The following PRKCE variants were observed in gnomAD, a reference collection of about 807,000 sequenced individuals.
The protein encoded by PRKCE is protein kinase C epsilon type.
A neutral mutation model predicts 85.4 loss-of-function variants in PRKCE; 16 were observed. The observed-to-expected ratio is 0.19, with a 90% CI of 0.13 to 0.28. The LOEUF is 0.28. PRKCE is among the 10% of genes least tolerant of loss of function. PRKCE has a pLI of 1.00. For missense variants in PRKCE, 573 were observed against 975.2 expected, an observed-to-expected ratio of 0.59 and a Z score of 5.49; for synonymous variants, 388 against 371.5, an observed-to-expected ratio of 1.04 and a Z score of -0.51.
chr2:45,840,994 T>G (rs1691301125), intron 1 of PRKCE, among the ~76,000 whole-genome samples: 1 of 152,168 alleles, frequency 6.6e-6, no homozygotes, highest in Admixed American at 6.5e-5. Context: ...ACTCTGGAAG[T>G]TCTGAACACA....
intron 2 of PRKCE, among the ~76,000 whole-genome samples, chr2:45,853,497 T>C (rs927682572): frequency 6.6e-6 from 1 of 152,226 alleles, no homozygotes; most frequent in African/African-American, 2.4e-5. Flanking sequence ...CCTGGGGCTT[T>C]AATTAAAATA....
chr2:45,963,012 G>A (rs1024328434), intron 2 of PRKCE, among the ~76,000 whole-genome samples: 4 of 152,146 alleles, frequency 2.6e-5, no homozygotes, highest in African/African-American at 4.8e-5. Context: ...AGTTCCACAA[G>A]AGCTGTGGCC....
chr2:45,868,480 C>T (rs1042740308), intron 2 of PRKCE, among the ~76,000 whole-genome samples: 10 of 151,344 alleles, frequency 6.6e-5, no homozygotes, highest in Non-Finnish European at 1.2e-4. Flanking sequence ...CCTGCCACCA[C>T]GCCTGGCTAA....
chr2:45,808,729 A>C (rs1010605663), intron 1 of PRKCE, among the ~76,000 whole-genome samples: 1 of 152,152 alleles, frequency 6.6e-6, no homozygotes, highest in Admixed American at 6.5e-5. Context: ...AGAAGTATAT[A>C]ATCTTAGGAC....
At chr2:46,122,489 G>T (rs146035770) in intron 11 of PRKCE, among the ~76,000 whole-genome samples, 3,839 of 152,114 alleles carry the variant, frequency 0.025, 159 homozygotes, top group African/African-American at 0.086. Flanking sequence ...TGGCCTCCCA[G>T]AGTGCTGGGA....
intron 1 of PRKCE, among the ~76,000 whole-genome samples, chr2:45,783,154 T>C (rs182985581): frequency 2.0e-5 from 3 of 152,310 alleles, no homozygotes; most frequent in African/African-American, 7.2e-5. Context: ...TTGGGCTGTT[T>C]GTTTATTTTC....
chr2:45,988,331 A>G (rs1335662407), intron 6 of PRKCE, among the ~76,000 whole-genome samples: 2 of 152,072 alleles, frequency 1.3e-5, no homozygotes, highest in African/African-American at 4.8e-5. Flanking sequence ...TGTCCTGGTC[A>G]CTCTTTCTCC....
chr2:45,906,445 C>T (rs1053747308), intron 2 of PRKCE, among the ~76,000 whole-genome samples: 4 of 152,220 alleles, frequency 2.6e-5, no homozygotes, highest in South Asian at 2.1e-4. Flanking sequence ...AAAGCAAAAA[C>T]GGAACACCCA....
At chr2:46,090,752 G>T (rs976508765) in intron 11 of PRKCE, among the ~76,000 whole-genome samples, 2 of 93,848 alleles carry the variant, frequency 2.1e-5, no homozygotes, top group African/African-American at 4.4e-5. Context: ...AGCTGCAAAA[G>T]GCTCTGTGGG....
rs532021252 is a variant in PRKCE at position 45,786,806 on chromosome 2, G to A, written c.349-56194G>A. On this transcript the variant is annotated intron_variant, in intron 1 of 14. Transcript: ENST00000306156. This position sits in a 1 kb window ranked among gnomAD's most constrained non-coding sequence, Gnocchi z 5.3. ...TGAGGTAACCACTACCCTCACCCCCGTTTTACAGAGGTGGAAACCGAGGGT... is the reference window on the plus strand; with the variant it reads ...TGAGGTAACCACTACCCTCACCCCCATTTTACAGAGGTGGAAACCGAGGGT... Among the ~76,000 whole-genome samples the A allele has an allele frequency of 2.6e-5, 4 of 152,278 alleles. No individual in the cohort carries two copies. Among genetic ancestry groups the A allele is most frequent in the South Asian group, 2.1e-4 (1 of 4,828 alleles).
chr2:45,787,043 C>T (rs1268377967), intron 1 of PRKCE, among the ~76,000 whole-genome samples: 1 of 152,180 alleles, frequency 6.6e-6, no homozygotes, highest in African/African-American at 2.4e-5. Flanking sequence ...GGAATCTGCA[C>T]ATTGAATAGA....
chr2:46,023,144 G>C (rs935671098), intron 10 of PRKCE, among the ~76,000 whole-genome samples: 5 of 147,940 alleles, frequency 3.4e-5, no homozygotes, highest in Admixed American at 3.3e-4. Flanking sequence ...GCTGACTTGA[G>C]AGCTTTGTCA....
At chr2:45,903,689 G>A (rs759848140) in intron 2 of PRKCE, among the ~76,000 whole-genome samples, 9 of 152,148 alleles carry the variant, frequency 5.9e-5, no homozygotes, top group Non-Finnish European at 8.8e-5. Context: ...GGGAAGCCTA[G>A]ACACACAGAC....
chr2:45,954,459 A>C (rs1347789065), intron 2 of PRKCE, among the ~76,000 whole-genome samples: 1 of 152,240 alleles, frequency 6.6e-6, no homozygotes, highest in Non-Finnish European at 1.5e-5. Flanking sequence ...GAATAGGATG[A>C]CATCAGCCCA....
chr2:46,061,476 GAGA>G (rs1050820915), intron 10 of PRKCE, among the ~76,000 whole-genome samples: 5 of 152,084 alleles, frequency 3.3e-5, no homozygotes, highest in Non-Finnish European at 7.4e-5. Flanking sequence ...CTCTGGGTGA[GAGA>G]AGAACCATTT....
chr2:46,152,544 A>G lies in PRKCE; in HGVS notation c.1920+1315A>G, dbSNP rs537399813. ...TAGAAAATCAGTATCACTTGCCATA[A>G]TGAATTAATGTAATTTTTTTTCAAG... On this transcript the variant is annotated intron_variant, in intron 13 of 14. Transcript: ENST00000306156. Among the ~76,000 whole-genome samples the G allele has an allele frequency of 4.6e-5, 7 of 151,884 alleles. 1 individual carries two copies. The highest frequency in any genetic ancestry group is 1.7e-4 in the African/African-American group (7 of 41,440).
rs569090106 is a variant in PRKCE, at chr2:45,753,620, C to T, written c.349-89380C>T. Among the ~76,000 whole-genome samples, 24 of 152,166 alleles carry T rather than the reference C, an allele frequency of 1.6e-4. No homozygotes were observed. In the South Asian group the frequency reaches 5.0e-3, roughly 32 times the overall value. On this transcript the variant is annotated intron_variant, in intron 1 of 14. Transcript: ENST00000306156. ...TGGTTTGCATTCTGTGTTTGCAGAT[C>T]GGCTGCTGCGCCCATAGCATTCTTC... is the stretch of plus-strand genomic sequence containing the variant.
chr2:45,674,666 A>G (rs1173220292), intron 1 of PRKCE: 1 of 152,250 alleles, frequency 6.6e-6, no homozygotes, highest in Non-Finnish European at 1.5e-5. Flanking sequence ...ATTTTATGGC[A>G]CAGCCCAAAG....
intron 2 of PRKCE, among the ~76,000 whole-genome samples, chr2:45,965,253 A>T (rs77163685): frequency 0.011 from 1,699 of 152,356 alleles, 43 homozygotes; most frequent in East Asian, 0.11. Flanking sequence ...TTGACATCAC[A>T]TAAATATTTA....
Sources: allele counts gnomAD v4.1 joint callset (sites outside exome capture counted in the v4.1 genomes callset), GRCh38; gene constraint gnomAD v4.1.1; non-coding constraint Gnocchi (gnomAD v3.1); transcripts MANE v1.5; gene names NCBI Gene and HGNC (gene_info 2026-07-23, HGNC 2026-07-21).